The following PDGFC variants were observed in gnomAD, a reference collection of about 807,000 sequenced individuals.
The protein encoded by PDGFC is platelet-derived growth factor C.
In PDGFC, 12 loss-of-function variants were observed where a neutral mutation model predicts 35.5. The observed-to-expected ratio is 0.34, with a 90% confidence interval of 0.22 to 0.55. The LOEUF is 0.55. Ranked by LOEUF, PDGFC falls within the 20% of genes least tolerant of loss-of-function variation. PDGFC has a pLI of 0.91. For missense variants in PDGFC, 322 were observed against 412.4 expected, an observed-to-expected ratio of 0.78 and a Z score of 1.90; for synonymous variants, 159 against 148.8, an observed-to-expected ratio of 1.07 and a Z score of -0.50.
chr4:156,955,905 AG>A (rs1236901689), intron 1 of PDGFC, among the ~76,000 whole-genome samples: 10 of 152,036 alleles, frequency 6.6e-5, no homozygotes, highest in African/African-American at 2.4e-4. Flanking sequence ...CCATCTGCTT[AG>A]AACTCTCTCT....
intron 3 of PDGFC, among the ~76,000 whole-genome samples, chr4:156,807,033 T>G (rs1731788529): frequency 6.6e-6 from 1 of 151,892 alleles, no homozygotes; most frequent in Non-Finnish European, 1.5e-5. Flanking sequence ...TTTTTTCTCT[T>G]TTAGCAGAAA....
chr4:156,891,263 G>C (rs1382701675), intron 1 of PDGFC, among the ~76,000 whole-genome samples: 2 of 118,038 alleles, frequency 1.7e-5, no homozygotes, highest in African/African-American at 6.8e-5. Context: ...CTGGGCGACA[G>C]AGCGAGACTC....
At chr4:156,799,030 A>G (rs1030746660) in intron 3 of PDGFC, among the ~76,000 whole-genome samples, 1 of 152,188 alleles carries the variant, frequency 6.6e-6, no homozygotes, top group Non-Finnish European at 1.5e-5. Context: ...GATAATTGCT[A>G]CCTCAATGTC....
intron 3 of PDGFC, among the ~76,000 whole-genome samples, chr4:156,807,622 T>C (rs989459754): frequency 1.3e-5 from 2 of 151,950 alleles, no homozygotes; most frequent in Non-Finnish European, 2.9e-5. Flanking sequence ...AAAAACTGTT[T>C]CTGAAAATTT....
chr4:156,849,615 C>G (rs1729405515), intron 2 of PDGFC, among the ~76,000 whole-genome samples: 1 of 152,014 alleles, frequency 6.6e-6, no homozygotes, highest in Admixed American at 6.6e-5. Flanking sequence ...GTGAAATACT[C>G]CAGCTGACTT....
intron 1 of PDGFC, among the ~76,000 whole-genome samples, chr4:156,941,075 G>A (rs771577422): frequency 2.0e-5 from 3 of 152,106 alleles, no homozygotes; most frequent in Admixed American, 2.0e-4. Context: ...ACAGGTGTAA[G>A]AGACTCTTAA....
chr4:156,799,078 T>C (rs1399240518), intron 3 of PDGFC, among the ~76,000 whole-genome samples: 3 of 150,548 alleles, frequency 2.0e-5, no homozygotes, highest in Admixed American at 6.6e-5. Flanking sequence ...ATTTTTAGTA[T>C]AAACTTTAGC....
At chr4:156,828,930 T>G (rs1390154890) in intron 2 of PDGFC, among the ~76,000 whole-genome samples, 1 of 152,150 alleles carries the variant, frequency 6.6e-6, no homozygotes, top group African/African-American at 2.4e-5. Flanking sequence ...TACTTAGCAA[T>G]TTTAAGAAAA....
intron 1 of PDGFC, among the ~76,000 whole-genome samples, chr4:156,945,311 TTA>T (rs1296179161): frequency 1.5e-5 from 2 of 132,164 alleles, no homozygotes; most frequent in Non-Finnish European, 3.2e-5. Flanking sequence ...ATATTTTAAA[TTA>T]TATATATGTG....
intron 1 of PDGFC, among the ~76,000 whole-genome samples, chr4:156,850,776 C>G (rs1211639301): frequency 6.6e-6 from 1 of 151,790 alleles, no homozygotes; most frequent in African/African-American, 2.4e-5. Flanking sequence ...TAAAAATACA[C>G]TAGATATAAT....
At chr4:156,885,788 G>A (rs74743006) in intron 1 of PDGFC, among the ~76,000 whole-genome samples, 9,341 of 152,118 alleles carry the variant, frequency 0.061, 930 homozygotes, top group African/African-American at 0.21. Context: ...AGGAGGCTGA[G>A]GTGGGAGAAC....
At chr4:156,885,254 T>G (rs1730348489) in intron 1 of PDGFC, among the ~76,000 whole-genome samples, 1 of 152,122 alleles carries the variant, frequency 6.6e-6, no homozygotes, top group African/African-American at 2.4e-5. Flanking sequence ...TAACAGAAGA[T>G]ATATGTGTGC....
intron 3 of PDGFC, among the ~76,000 whole-genome samples, chr4:156,808,445 T>C (rs1263329330): frequency 2.6e-5 from 4 of 151,986 alleles, no homozygotes; most frequent in Non-Finnish European, 5.9e-5. Flanking sequence ...CAGAGTGTGC[T>C]GACATGAAGT....
chr4:156,963,285 T>C (rs915027074), intron 1 of PDGFC, among the ~76,000 whole-genome samples: 11 of 151,642 alleles, frequency 7.3e-5, no homozygotes, highest in African/African-American at 1.9e-4. Context: ...CTGGGCAACA[T>C]AGTAAGACCC....
intron 1 of PDGFC, among the ~76,000 whole-genome samples, chr4:156,900,423 G>C (rs1730738898): frequency 6.6e-6 from 1 of 152,184 alleles, no homozygotes; most frequent in East Asian, 1.9e-4. Context: ...GGAATGGGCA[G>C]CAAAACTAGG....
intron 1 of PDGFC, among the ~76,000 whole-genome samples, chr4:156,855,201 G>A (rs1729544949): frequency 6.6e-6 from 1 of 151,922 alleles, no homozygotes; most frequent in African/African-American, 2.4e-5. Flanking sequence ...ACATACTCTT[G>A]GTTCCTTTAA....
chr4:156,798,555 C>T (rs1350931208), intron 3 of PDGFC, among the ~76,000 whole-genome samples: 1 of 152,204 alleles, frequency 6.6e-6, no homozygotes, highest in East Asian at 1.9e-4. Context: ...CTTCATATTA[C>T]TTTTATCAGT....
chr4:156,812,746 A>G (rs549559497), intron 2 of PDGFC, among the ~76,000 whole-genome samples: 1 of 152,074 alleles, frequency 6.6e-6, no homozygotes, highest in Non-Finnish European at 1.5e-5. Context: ...GAATAATGCT[A>G]CCTAACTCAG....
chr4:156,792,655 G>A (rs1316847580), intron 3 of PDGFC, among the ~76,000 whole-genome samples: 1 of 152,108 alleles, frequency 6.6e-6, no homozygotes, highest in Non-Finnish European at 1.5e-5. Context: ...ACCACTAAAG[G>A]CCAATTCCAC....
Sources: gnomAD v4.1 joint callset for allele counts (sites outside exome capture counted in the v4.1 genomes callset) on GRCh38, gnomAD v4.1.1 for gene constraint, MANE v1.5 for transcripts, NCBI Gene and HGNC (gene_info 2026-07-23, HGNC 2026-07-21) for gene names.